Variants in NPSR1 observed in about 807,000 individuals in gnomAD.
NPSR1 encodes the protein neuropeptide S receptor.
NPSR1 carries 48 observed loss-of-function variants against 46.9 expected under a neutral mutation model. The ratio of observed to expected loss-of-function variants is 1.02; its 90% CI spans 0.81 to 1.30. The LOEUF (loss-of-function observed/expected upper bound fraction) is 1.30. Ranked by LOEUF, NPSR1 falls within the 50% of genes most tolerant of loss-of-function variation. NPSR1 has a pLI of 0.00. For missense variants in NPSR1, 450 were observed against 449.5 expected (o/e 1.00, Z -0.01); for synonymous variants, 176 against 168.1 (o/e 1.05, Z -0.36).
At chr7:34,770,903 G>A (rs768742944) in intron 2 of NPSR1, among the ~76,000 whole-genome samples, 24 of 152,282 alleles carry the variant, frequency 1.6e-4, no homozygotes, top group Admixed American at 2.6e-4. Flanking sequence ...AGATCCTCAC[G>A]TGGCAGAAGG....
At chr7:34,681,558 T>C (rs923240657) in intron 1 of NPSR1, among the ~76,000 whole-genome samples, 1 of 152,166 alleles carries the variant, frequency 6.6e-6, no homozygotes, top group Non-Finnish European at 1.5e-5. Context: ...TCCAGCTGGA[T>C]AGTGTGCTGA....
At chr7:34,717,882 CT>C (rs1783656941) in intron 2 of NPSR1, among the ~76,000 whole-genome samples, 1 of 152,190 alleles carries the variant, frequency 6.6e-6, no homozygotes, top group Admixed American at 6.5e-5. Flanking sequence ...AGTCAAATCG[CT>C]GCCCTTCTCT....
intron 3 of NPSR1, among the ~76,000 whole-genome samples, chr7:34,799,409 T>G (rs1788360540): frequency 6.6e-6 from 1 of 151,356 alleles, no homozygotes; most frequent in Non-Finnish European, 1.5e-5. Context: ...AAGAAGAGGA[T>G]TCAACATTCT....
intron 2 of NPSR1, among the ~76,000 whole-genome samples, chr7:34,690,271 A>T (rs896635793): frequency 5.3e-5 from 6 of 113,690 alleles, no homozygotes; most frequent in South Asian, 2.6e-4. Flanking sequence ...AAGCAAATTT[A>T]AAAAAAAATA....
At chr7:34,808,395 T>C (rs540144233) in intron 3 of NPSR1, among the ~76,000 whole-genome samples, 116 of 152,352 alleles carry the variant, frequency 7.6e-4, no homozygotes, top group African/African-American at 2.7e-3. Flanking sequence ...AACTTTTAGC[T>C]TTAATATATC....
intron 3 of NPSR1, among the ~76,000 whole-genome samples, chr7:34,802,856 A>C (rs1262545428): frequency 2.0e-5 from 3 of 150,506 alleles, no homozygotes; most frequent in Non-Finnish European, 2.9e-5. Context: ...CAATGAACTC[A>C]AACAAATTTA....
chr7:34,853,798 G>A (rs1401851405), downstream of NPSR1, among the ~76,000 whole-genome samples: 1 of 151,958 alleles, frequency 6.6e-6, no homozygotes, highest in East Asian at 1.9e-4. Flanking sequence ...AAACCCGTCT[G>A]TACTAAAAAT....
intron 7 of NPSR1, among the ~76,000 whole-genome samples, chr7:34,846,060 C>T (rs1487234678): frequency 6.6e-6 from 1 of 152,266 alleles, no homozygotes; most frequent in South Asian, 2.1e-4. Flanking sequence ...AGGCACAAAA[C>T]AACACTGCAG....
chr7:34,827,706 T>G, intron 5 of NPSR1, 104 bp downstream of exon 5: 1 of 811,706 alleles, frequency 1.2e-6, no homozygotes, highest in Non-Finnish European at 1.9e-6. Flanking sequence ...TTTTTCCTAG[T>G]GCCCTTGAGG....
At chr7:34,780,264 G>T (rs1486244290) in intron 3 of NPSR1, among the ~76,000 whole-genome samples, 1 of 152,170 alleles carries the variant, frequency 6.6e-6, no homozygotes, top group Admixed American at 6.5e-5. Flanking sequence ...CATGTTGGAG[G>T]TTGGCAACCA....
chr7:34,851,932 G>C (rs1790943311), downstream of NPSR1, among the ~76,000 whole-genome samples: 1 of 152,120 alleles, frequency 6.6e-6, no homozygotes, highest in South Asian at 2.1e-4. Context: ...GCTTTATATT[G>C]GTAAGGATTC....
intron 6 of NPSR1, among the ~76,000 whole-genome samples, chr7:34,836,390 G>A (rs1790371647): frequency 6.6e-6 from 1 of 152,074 alleles, no homozygotes; most frequent in African/African-American, 2.4e-5. Flanking sequence ...AAATCCAACA[G>A]AACAGAAATG....
intron 8 of NPSR1, among the ~76,000 whole-genome samples, chr7:34,863,238 G>A (rs972933957): frequency 5.3e-5 from 8 of 151,800 alleles, no homozygotes; most frequent in African/African-American, 1.9e-4. Flanking sequence ...ACTCAAGATC[G>A]ATTAAAGCCT....
chr7:34,791,280 A>C (rs1167033242), intron 3 of NPSR1, among the ~76,000 whole-genome samples: 1 of 138,758 alleles, frequency 7.2e-6, no homozygotes, highest in Non-Finnish European at 1.5e-5. Context: ...AGTTATATAT[A>C]ATATAGATAA....
intron 2 of NPSR1, among the ~76,000 whole-genome samples, chr7:34,747,944 T>A (rs1357312548): frequency 6.6e-6 from 1 of 152,210 alleles, no homozygotes; most frequent in East Asian, 1.9e-4. Flanking sequence ...CTTCTTTATA[T>A]GGGGACCGTA....
intron 3 of NPSR1, among the ~76,000 whole-genome samples, chr7:34,785,135 T>C (rs1167491742): frequency 2.6e-5 from 4 of 151,714 alleles, no homozygotes; most frequent in Non-Finnish European, 5.9e-5. Flanking sequence ...CCAACCCAAA[T>C]GTCCAACAAT....
chr7:34,695,813 G>T (rs568518725), intron 2 of NPSR1, among the ~76,000 whole-genome samples: 1 of 152,112 alleles, frequency 6.6e-6, no homozygotes, highest in East Asian at 1.9e-4. Context: ...ATAGATGCTG[G>T]CAAGGCTGTG....
intron 1 of NPSR1, among the ~76,000 whole-genome samples, chr7:34,666,545 C>A (rs1216300405): frequency 6.6e-6 from 1 of 151,960 alleles, no homozygotes; most frequent in Non-Finnish European, 1.5e-5. Flanking sequence ...CATTTTGTGA[C>A]CACAGGAAAA....
chr7:34,758,538 T>C (rs1434074654), intron 2 of NPSR1, among the ~76,000 whole-genome samples: 1 of 152,242 alleles, frequency 6.6e-6, no homozygotes, highest in African/African-American at 2.4e-5. Flanking sequence ...TCTTCCCCTA[T>C]GGGTTGAGCA....
Sources: allele counts gnomAD v4.1 joint callset (sites outside exome capture counted in the v4.1 genomes callset), GRCh38; gene constraint gnomAD v4.1.1; transcripts MANE v1.5; gene names NCBI Gene and HGNC (gene_info 2026-07-23, HGNC 2026-07-21).